The following EPHA3 variants were observed in gnomAD, a reference collection of about 807,000 sequenced individuals.
EPHA3 encodes the protein EPH receptor A3.
In EPHA3, 42 loss-of-function variants were observed where a neutral mutation model predicts 107.1. The observed-to-expected ratio is 0.39, with a 90% CI of 0.31 to 0.51. The LOEUF (loss-of-function observed/expected upper bound fraction) is 0.51, where lower values mean the gene tolerates loss of function less well. EPHA3 is among the 20% of genes least tolerant of loss of function. The probability of loss-of-function intolerance (pLI) is 0.78; values close to 1 mark genes in which losing one functional copy is unlikely to be tolerated. For synonymous variants in EPHA3, 461 were observed against 424.8 expected (o/e 1.09, Z -1.05); for missense variants, 1,183 against 1,211.2 (o/e 0.98, Z 0.35).
intron 3 of EPHA3, among the ~76,000 whole-genome samples, chr3:89,330,357 C>T (rs1707258416): frequency 6.6e-6 from 1 of 151,948 alleles, no homozygotes; most frequent in South Asian, 2.1e-4. Context: ...ATAAACTTCT[C>T]CTAGTTGGTA....
intron 5 of EPHA3, among the ~76,000 whole-genome samples, chr3:89,371,160 ATTTG>A (rs773917133): frequency 5.1e-4 from 76 of 150,414 alleles, no homozygotes; most frequent in Non-Finnish European, 7.2e-4. Context: ...TTATTCATAT[ATTTG>A]TTTGTTTGTT....
rs199944661 is a variant in EPHA3, at chr3:89,298,811, T to C, written c.815-42105T>C. On this transcript the variant is annotated intron_variant, in intron 3 of 16. Transcript: ENST00000336596. The stretch of plus-strand genomic sequence containing the variant: ...TTATAAAACAGGTTAAAGTAATATA[T>C]GATTAACTGTCAAATTAAAGATGGT... Among the ~76,000 whole-genome samples, 6 of 152,218 alleles carry C rather than the reference T, an allele frequency of 3.9e-5. No homozygotes were observed. In the East Asian group the frequency reaches 1.2e-3, roughly 29 times the overall value.
At chr3:89,340,600 G>T (rs1267656210) in intron 3 of EPHA3, among the ~76,000 whole-genome samples, 1 of 152,130 alleles carries the variant, frequency 6.6e-6, no homozygotes, top group East Asian at 1.9e-4. Flanking sequence ...TGGTGACATG[G>T]TTTTGCTTTA....
At chr3:89,375,923 T>A (rs529288035) in intron 5 of EPHA3, among the ~76,000 whole-genome samples, 4 of 152,068 alleles carry the variant, frequency 2.6e-5, no homozygotes, top group African/African-American at 9.6e-5. Context: ...ACTCTAGCAA[T>A]GAGAATGTTT....
chr3:89,363,367 G>A (rs568134261), intron 5 of EPHA3, among the ~76,000 whole-genome samples: 2 of 150,794 alleles, frequency 1.3e-5, no homozygotes, highest in Non-Finnish European at 3.0e-5. Flanking sequence ...AGACTGCAGG[G>A]TAAGCTGATA....
intron 3 of EPHA3, among the ~76,000 whole-genome samples, chr3:89,221,154 G>A (rs778765771): frequency 2.8e-4 from 43 of 151,404 alleles, no homozygotes; most frequent in Non-Finnish European, 5.1e-4. Flanking sequence ...AAGCTCATCA[G>A]CCTGCTTTAC....
intron 5 of EPHA3, among the ~76,000 whole-genome samples, chr3:89,378,054 C>G (rs986404471): frequency 2.6e-5 from 4 of 151,932 alleles, no homozygotes; most frequent in Non-Finnish European, 4.4e-5. Flanking sequence ...TAAGTGAGAG[C>G]TGAACAATGA....
At chr3:89,294,728 C>T (rs1279170051) in intron 3 of EPHA3, among the ~76,000 whole-genome samples, 2 of 152,094 alleles carry the variant, frequency 1.3e-5, no homozygotes, top group Non-Finnish European at 2.9e-5. Flanking sequence ...ACATATAGAG[C>T]ACAGTTATAT....
At chr3:89,207,781 A>T (rs1706142077) in intron 2 of EPHA3, among the ~76,000 whole-genome samples, 1 of 152,058 alleles carries the variant, frequency 6.6e-6, no homozygotes, top group South Asian at 2.1e-4. Context: ...TCTAAGAAAA[A>T]CGTTTTGTTG....
At chr3:89,278,662 A>C (rs1705868539) in intron 3 of EPHA3, among the ~76,000 whole-genome samples, 1 of 152,196 alleles carries the variant, frequency 6.6e-6, no homozygotes, top group African/African-American at 2.4e-5. Flanking sequence ...CAAATTAGGA[A>C]TAAAATGAAA....
intron 5 of EPHA3, among the ~76,000 whole-genome samples, chr3:89,366,931 G>A (rs1708195215): frequency 6.6e-6 from 1 of 150,600 alleles, no homozygotes; most frequent in Non-Finnish European, 1.5e-5. Context: ...CAGTTAGCAT[G>A]TCCCATAGAT....
intron 3 of EPHA3, among the ~76,000 whole-genome samples, chr3:89,246,293 G>A (rs1333109172): frequency 6.6e-6 from 1 of 152,148 alleles, no homozygotes; most frequent in African/African-American, 2.4e-5. Flanking sequence ...GGCACTCAAA[G>A]GCTGAGAGAA....
chr3:89,308,635 C>T (rs563502732), intron 3 of EPHA3, among the ~76,000 whole-genome samples: 2 of 151,030 alleles, frequency 1.3e-5, no homozygotes, highest in Non-Finnish European at 2.9e-5. Context: ...CAATAATTTG[C>T]AACTACAGAT....
At chr3:89,216,853 TTTC>T (rs1324298070) in intron 3 of EPHA3, among the ~76,000 whole-genome samples, 12 of 152,154 alleles carry the variant, frequency 7.9e-5, no homozygotes, top group African/African-American at 2.9e-4. Flanking sequence ...TTCATTAACT[TTTC>T]CAGCTAATGT....
intron 3 of EPHA3, among the ~76,000 whole-genome samples, chr3:89,219,865 C>A (rs112272175): frequency 6.8e-6 from 1 of 147,326 alleles, no homozygotes. Flanking sequence ...CCCGCCACTA[C>A]GCCCGGCTAA....
At chr3:89,272,966 T>C (rs536893134) in intron 3 of EPHA3, among the ~76,000 whole-genome samples, 1 of 152,076 alleles carries the variant, frequency 6.6e-6, no homozygotes, top group African/African-American at 2.4e-5. Flanking sequence ...CATTATTTAT[T>C]ACAAAATTAT....
chr3:89,384,508 T>C (rs1708575827), intron 5 of EPHA3, among the ~76,000 whole-genome samples: 1 of 152,228 alleles, frequency 6.6e-6, no homozygotes, highest in South Asian at 2.1e-4. Flanking sequence ...TTCTCTGAAA[T>C]GTATTTTTCT....
At chr3:89,186,907 T>C (rs1160786054) in intron 2 of EPHA3, among the ~76,000 whole-genome samples, 3 of 152,134 alleles carry the variant, frequency 2.0e-5, no homozygotes, top group Admixed American at 2.0e-4. Flanking sequence ...GAATATGTTT[T>C]TAATCTTTAA....
intron 3 of EPHA3, among the ~76,000 whole-genome samples, chr3:89,305,483 G>A (rs1706594217): frequency 6.6e-6 from 1 of 152,024 alleles, no homozygotes; most frequent in Non-Finnish European, 1.5e-5. Flanking sequence ...ACATTGGATT[G>A]ATATTTAGAA....
Sources: gnomAD v4.1 joint callset for allele counts (sites outside exome capture counted in the v4.1 genomes callset) on GRCh38, gnomAD v4.1.1 for gene constraint, MANE v1.5 for transcripts, NCBI Gene and HGNC (gene_info 2026-07-23, HGNC 2026-07-21) for gene names.